Variants in ATF6 observed in about 807,000 individuals in gnomAD.
ATF6 encodes cyclic AMP-dependent transcription factor ATF-6 alpha.
In ATF6, 53 loss-of-function variants were observed where a neutral mutation model predicts 83.6. That is an observed-to-expected ratio of 0.63 (90% CI 0.51 to 0.80). The LOEUF (loss-of-function observed/expected upper bound fraction) is 0.80. Ranked by LOEUF, ATF6 falls within the 30% of genes least tolerant of loss-of-function variation. The pLI is 0.00. For missense variants in ATF6, 744 were observed against 797.9 expected, an observed-to-expected ratio of 0.93 and a Z score of 0.81; for synonymous variants, 288 against 285.8, an observed-to-expected ratio of 1.01 and a Z score of -0.08.
chr1:161,955,439 C>T (rs1479329212), intron 15 of ATF6, among the ~76,000 whole-genome samples: 1 of 152,196 alleles, frequency 6.6e-6, no homozygotes, highest in Non-Finnish European at 1.5e-5. Context: ...GGGCTCTCTG[C>T]TGCTCCTGGG....
At chr1:161,794,329 C>G (rs1030214336) in intron 6 of ATF6, among the ~76,000 whole-genome samples, 3 of 152,152 alleles carry the variant, frequency 2.0e-5, no homozygotes, top group Non-Finnish European at 4.4e-5. Flanking sequence ...AGACATTATA[C>G]AGTTAATCAT....
intron 10 of ATF6, among the ~76,000 whole-genome samples, chr1:161,850,409 C>T (rs1027338939): frequency 7.9e-5 from 12 of 151,392 alleles, no homozygotes; most frequent in African/African-American, 9.7e-5. Context: ...ATAGAGGCGG[C>T]GTCTTCTCAT....
chr1:161,814,986 G>A (rs758274769), intron 7 of ATF6, among the ~76,000 whole-genome samples: 3 of 151,962 alleles, frequency 2.0e-5, no homozygotes, highest in Non-Finnish European at 4.4e-5. Context: ...ACAGTGAAGA[G>A]GTTAATCAGT....
intron 8 of ATF6, 146 bp from the exon 9 acceptor site, chr1:161,820,923 GA>G: frequency 4.4e-6 from 2 of 456,330 alleles, no homozygotes; most frequent in Non-Finnish European, 7.4e-6. Flanking sequence ...CCTCACCTTT[GA>G]TTTTTTTTTT....
chr1:161,937,660 T>A (rs1205869084), intron 15 of ATF6, among the ~76,000 whole-genome samples: 2 of 151,012 alleles, frequency 1.3e-5, no homozygotes, highest in African/African-American at 4.9e-5. Context: ...GAACACTGCA[T>A]GTTCTCACTC....
At chr1:161,795,152 A>C (rs1039882107) in intron 6 of ATF6, among the ~76,000 whole-genome samples, 1 of 152,218 alleles carries the variant, frequency 6.6e-6, no homozygotes, top group East Asian at 1.9e-4. Context: ...AAAAAATGAC[A>C]GATGTATTCC....
At chr1:161,818,423 TAAAC>T (rs1274178932) in intron 7 of ATF6, among the ~76,000 whole-genome samples, 3 of 152,158 alleles carry the variant, frequency 2.0e-5, no homozygotes, top group Non-Finnish European at 2.9e-5. Flanking sequence ...TTGTTGGTAT[TAAAC>T]AAAAAAGTAG....
chr1:161,858,048 G>A (rs1571194872), intron 12 of ATF6, among the ~76,000 whole-genome samples: 1 of 152,066 alleles, frequency 6.6e-6, no homozygotes, highest in South Asian at 2.1e-4. Context: ...GAGAAGCTGC[G>A]GTGAGCTGTG....
chr1:161,956,084 C>T (rs1688960905), intron 15 of ATF6, among the ~76,000 whole-genome samples: 1 of 152,134 alleles, frequency 6.6e-6, no homozygotes, highest in South Asian at 2.1e-4. Context: ...TAAAAAACCG[C>T]AGTTATCAGT....
chr1:161,791,088 GTGTGTGTGTGTGTGTCTC>G lies in ATF6; in HGVS notation c.355-304_355-287del, dbSNP rs1414568793. Among the ~76,000 whole-genome samples the G allele has an allele frequency of 5.0e-3, 689 of 136,908 alleles. 2 individuals are homozygous for G. Among genetic ancestry groups the G allele is most frequent in the African/African-American group, 0.018 (608 of 34,576 alleles). The allele number at this position is 136,908 out of a possible 152,430, so 89.8% of individuals were successfully genotyped here. On this transcript the variant is annotated intron_variant, in intron 4 of 15. Transcript: ENST00000367942. ...TGTGTGTGTGTGTGTGTGTGTCTCT[GTGTGTGTGTGTGTGTCTC>G]TGTGTGTGTGTGTGTGTGTGTGTGT...
At chr1:161,929,467 G>A (rs931605578) in intron 15 of ATF6, among the ~76,000 whole-genome samples, 1 of 152,120 alleles carries the variant, frequency 6.6e-6, no homozygotes, top group African/African-American at 2.4e-5. Context: ...TGGAGCTGGT[G>A]CATCTGTGTG....
Position 161,853,314 on chromosome 1 carries a change from T to C in ATF6, c.1524T>C (p.Arg508=), listed in dbSNP as rs2101828178. The C allele has an allele frequency of 6.2e-7, 1 of 1,611,358 alleles. No homozygotes were observed. The highest frequency in any genetic ancestry group is 2.2e-5 in the East Asian group (1 of 44,816). Residue 508 remains arginine (R), a synonymous_variant, in exon 12 of 16, where the codon CGT becomes CGC. Transcript: ENST00000367942. ...TGACAAATAATCAACAGAAAACCCGTATTCTTCAGGTATGTTTCTGTTTGT... is the reference window on the plus strand; with the variant it reads ...TGACAAATAATCAACAGAAAACCCGCATTCTTCAGGTATGTTTCTGTTTGT... The part of the protein sequence containing the change: ...RRMTNNQQKT[R]ILQGALEQGS...
intron 14 of ATF6, among the ~76,000 whole-genome samples, chr1:161,898,652 A>G (rs974507294): frequency 6.6e-6 from 1 of 151,976 alleles, no homozygotes; most frequent in African/African-American, 2.4e-5. Context: ...GGTTCAAGCA[A>G]TTCTCCTGCC....
At chr1:161,903,510 A>G (rs898648485) in intron 14 of ATF6, among the ~76,000 whole-genome samples, 9 of 152,192 alleles carry the variant, frequency 5.9e-5, no homozygotes, top group Admixed American at 2.6e-4. Context: ...GAGGGAATAA[A>G]CTTAAACAAC....
intron 14 of ATF6, among the ~76,000 whole-genome samples, chr1:161,869,265 T>G (rs1316455485): frequency 1.3e-5 from 2 of 152,016 alleles, no homozygotes; most frequent in African/African-American, 4.8e-5. Context: ...TCTTAGAAAT[T>G]TATGTTTAGT....
intron 14 of ATF6, among the ~76,000 whole-genome samples, chr1:161,865,623 G>A (rs1170453110): frequency 6.6e-6 from 1 of 152,148 alleles, no homozygotes; most frequent in African/African-American, 2.4e-5. Context: ...CTAGTCCCTT[G>A]ATGTTCATTC....
At chr1:161,934,346 T>C (rs1688497811) in intron 15 of ATF6, among the ~76,000 whole-genome samples, 1 of 152,172 alleles carries the variant, frequency 6.6e-6, no homozygotes, top group South Asian at 2.1e-4. Context: ...AGGAAATGGT[T>C]AGGTTTTAGG....
chr1:161,883,807 C>A (rs1571212795), intron 14 of ATF6, among the ~76,000 whole-genome samples: 1 of 151,864 alleles, frequency 6.6e-6, no homozygotes, highest in Non-Finnish European at 1.5e-5. Context: ...TCAGATGAAG[C>A]CTGTCACCTT....
chr1:161,893,409 G>A (rs1340125526), intron 14 of ATF6, among the ~76,000 whole-genome samples: 1 of 151,540 alleles, frequency 6.6e-6, no homozygotes, highest in Admixed American at 6.6e-5. Context: ...CAGGTGATCC[G>A]CCAGCCTCAG....
Sources: gnomAD v4.1 joint callset for allele counts (sites outside exome capture counted in the v4.1 genomes callset) on GRCh38, gnomAD v4.1.1 for gene constraint, MANE v1.5 for transcripts, NCBI Gene and HGNC (gene_info 2026-07-23, HGNC 2026-07-21) for gene names.